Variants in RAB7B observed in about 807,000 individuals in gnomAD.
RAB7B encodes RAB7B, member RAS oncogene family.
rs1001196756 is a variant in RAB7B at position 205,988,108 on chromosome 1, A to G, written c.397-2443T>C. Among the ~76,000 whole-genome samples the G allele has an allele frequency of 7.3e-4, 111 of 152,146 alleles. 3 individuals are homozygous for G. The East Asian group carries it at 0.011, about 15-fold the overall frequency. On this transcript the variant is annotated intron_variant, in intron 4 of 5. Transcript: ENST00000617070. ...CATTCATATTGTATTCACATTGTACATTCCTTGCTATTCATCTTCAGAATT... is the reference window on the plus strand; with the variant it reads ...CATTCATATTGTATTCACATTGTACGTTCCTTGCTATTCATCTTCAGAATT...
Position 205,992,547 on chromosome 1 carries a change from A to G in RAB7B, c.329T>C (p.Ile110Thr), listed in dbSNP as rs1194667918. 1.8e-5 allele frequency: 7 copies of G among 398,568 alleles called. No individual in the cohort carries two copies. The highest frequency in any genetic ancestry group is 4.4e-5 in the Admixed American group (1 of 22,724). The allele number at this position is 398,568 out of a possible 1,614,324, so 24.7% of individuals were successfully genotyped here. Reference protein sequence around the residue: ...DIWRGDVLAKIVPMEQSYPMV... With the variant: ...DIWRGDVLAKTVPMEQSYPMV... ...GGGGTAGGACTGCTCCATGGGGACA[A>G]TCTTGGCCAGGACATCACCCCGCCA... Residue 110 changes from isoleucine to threonine, a missense_variant, in exon 4 of 6, where the codon ATT (isoleucine) becomes ACT (threonine). Physicochemically the swap from Ile to Thr is moderately conservative, Grantham distance 89 (BLOSUM62 -1). Coordinates refer to ENST00000617070, the MANE Select transcript of RAB7B (RefSeq NM_001164522.3).
intron 4 of RAB7B, 117 bp from the exon 5 acceptor site, chr1:205,985,782 C>CCCTATCAGG (rs1660588992): frequency 1.4e-5 from 1 of 68,974 alleles, no homozygotes; most frequent in Non-Finnish European, 2.5e-5. Flanking sequence ...TCCCCATCAT[C>CCCTATCAGG]CCCACCAGGC....
chr1:205,977,375 G>GTTTTTGC lies in RAB7B; in HGVS notation c.*1475_*1476insGCAAAAA, dbSNP rs1449168046. The GTTTTTGC allele has an allele frequency of 6.6e-6, 1 of 152,136 alleles. No homozygotes were observed. Among genetic ancestry groups the GTTTTTGC allele is most frequent in the African/African-American group, 2.4e-5 (1 of 41,404 alleles). 9.4% of individuals were successfully genotyped at this position (152,136 alleles called of 1,614,324 possible). A position where few individuals can be genotyped will look rare whatever the true frequency, so the allele number is the denominator to read the frequency against. The stretch of plus-strand genomic sequence containing the variant: ...CCACAGATGCTGATTTCTTGCCTGA[G>GTTTTTGC]TCATATATATTGAAGTTTTTGCTCA... On this transcript the variant is annotated 3_prime_UTR_variant, in exon 6 of 6. Coordinates refer to ENST00000617070, the MANE Select transcript of RAB7B (RefSeq NM_001164522.3).
At chr1:205,984,463 C>T (rs1176703357) in intron 5 of RAB7B, among the ~76,000 whole-genome samples, 3 of 152,188 alleles carry the variant, frequency 2.0e-5, no homozygotes, top group African/African-American at 7.2e-5. Flanking sequence ...TTGCCCATTT[C>T]CTCAATTCAG....
chr1:205,995,208 G>A (rs965028509), intron 1 of RAB7B, among the ~76,000 whole-genome samples: 2 of 151,988 alleles, frequency 1.3e-5, no homozygotes, highest in Non-Finnish European at 2.9e-5. Context: ...GTGTACATAT[G>A]TAATAAACCT....
chr1:205,997,256 A>G (rs1358238033), intron 1 of RAB7B, among the ~76,000 whole-genome samples: 1 of 152,186 alleles, frequency 6.6e-6, no homozygotes, highest in Non-Finnish European at 1.5e-5. Context: ...GCAAATAGGA[A>G]CCCACCACAC....
intron 4 of RAB7B, among the ~76,000 whole-genome samples, chr1:205,991,014 G>A (rs1399138542): frequency 3.3e-5 from 5 of 151,880 alleles, no homozygotes; most frequent in Admixed American, 2.0e-4. Context: ...CTCATGATTC[G>A]CCTGCCTCTG....
At chr1:205,985,924 T>A (rs978080855) in intron 4 of RAB7B, among the ~76,000 whole-genome samples, 60 of 132,316 alleles carry the variant, frequency 4.5e-4, no homozygotes, top group Middle Eastern at 7.7e-3. Flanking sequence ...TAGCTCCATT[T>A]CACAGATGAA....
At chr1:205,981,430 G>A (rs1228869638) in intron 5 of RAB7B, among the ~76,000 whole-genome samples, 13 of 151,712 alleles carry the variant, frequency 8.6e-5, no homozygotes, top group Non-Finnish European at 1.6e-4. Context: ...ACCTACTCTG[G>A]TCTCTTTCAG....
Position 205,996,525 on chromosome 1 carries a change from C to T in RAB7B, c.-16-2374G>A, listed in dbSNP as rs1023644629. ...AGCTGAGCCCCAAAGACTCAAGATG[C>T]CTTCTTGGTGAAAAATGCTTTATCT... is the stretch of plus-strand genomic sequence containing the variant. On this transcript the variant is annotated intron_variant, in intron 1 of 5. Coordinates refer to ENST00000617070, the MANE Select transcript of RAB7B (RefSeq NM_001164522.3). 9.5e-4 allele frequency among the ~76,000 whole-genome samples: 145 copies of T among 152,288 alleles called. 1 individual carries two copies. The highest frequency in any genetic ancestry group is 3.2e-3 in the African/African-American group (131 of 41,554).
At chr1:206,001,584 C>T (rs1029144651) in intron 1 of RAB7B, among the ~76,000 whole-genome samples, 3 of 152,210 alleles carry the variant, frequency 2.0e-5, no homozygotes, top group South Asian at 2.1e-4. Flanking sequence ...GCTGAGTCAT[C>T]CTCTACTGTT....
intron 5 of RAB7B, among the ~76,000 whole-genome samples, chr1:205,982,722 G>GCT (rs1263265302): frequency 6.6e-6 from 1 of 152,070 alleles, no homozygotes; most frequent in Non-Finnish European, 1.5e-5. Flanking sequence ...CCAGCTGGGG[G>GCT]CTCACTCCTT....
intron 5 of RAB7B, among the ~76,000 whole-genome samples, chr1:205,985,325 C>G (rs1185773038): frequency 6.6e-6 from 1 of 152,198 alleles, no homozygotes; most frequent in South Asian, 2.1e-4. Context: ...AGACCACTGA[C>G]TGCATGCTCT....
intron 4 of RAB7B, 43 bp from the exon 5 acceptor site, chr1:205,985,708 C>T (rs978110284): frequency 1.5e-4 from 20 of 133,824 alleles, no homozygotes; most frequent in Admixed American, 5.4e-4. Flanking sequence ...GTATTATCAT[C>T]GCCATCACCA....
chr1:205,985,945 C>A (rs992210970), intron 4 of RAB7B, among the ~76,000 whole-genome samples: 72 of 152,248 alleles, frequency 4.7e-4, no homozygotes, highest in African/African-American at 1.7e-3. Flanking sequence ...AAAACGGAGG[C>A]CTGGAGAAAA....
chr1:205,991,911 C>A (rs1318757897), intron 4 of RAB7B, among the ~76,000 whole-genome samples: 1 of 152,210 alleles, frequency 6.6e-6, no homozygotes, highest in Non-Finnish European at 1.5e-5. Flanking sequence ...AGTCATGGAG[C>A]AGACCAACTG....
At position 205,989,343 on chromosome 1, in the gene RAB7B, T is replaced by C. The variant is rs957700307; in HGVS notation, c.396+3137A>G. On this transcript the variant is annotated intron_variant, in intron 4 of 5. Transcript: ENST00000617070. ...CTCTTTCAAACCTTTGTTCTTCCTCTCTCTGGACACCAAAGATCACCCACC... is the reference window on the plus strand; with the variant it reads ...CTCTTTCAAACCTTTGTTCTTCCTCCCTCTGGACACCAAAGATCACCCACC... Among the ~76,000 whole-genome samples, 361 of 152,136 alleles carry C rather than the reference T, an allele frequency of 2.4e-3. 1 individual carries two copies. Among genetic ancestry groups the C allele is most frequent in the Middle Eastern group, 6.8e-3 (2 of 294 alleles).
chr1:205,996,416 G>A lies in RAB7B; in HGVS notation c.-16-2265C>T, dbSNP rs902182087. Among the ~76,000 whole-genome samples, 24 of 152,196 alleles carry A rather than the reference G, an allele frequency of 1.6e-4. No individual in the cohort carries two copies. In the East Asian group the frequency reaches 2.1e-3, roughly 13 times the overall value. On this transcript the variant is annotated intron_variant, in intron 1 of 5. Transcript: ENST00000617070. ...AAAGCTGTAAATAGGACATCCTGAG[G>A]CCTTGGTTCTGGTTCTCACTTTGTG...
chr1:205,988,234 T>TTG (rs1660649135), intron 4 of RAB7B, among the ~76,000 whole-genome samples: 14 of 28,346 alleles, frequency 4.9e-4, no homozygotes, highest in African/African-American at 6.6e-4. Context: ...GTGTGGGTTT[T>TTG]TTTTTTTTTT....
Sources: allele counts gnomAD v4.1 joint callset (sites outside exome capture counted in the v4.1 genomes callset), GRCh38; gene constraint gnomAD v4.1.1; transcripts MANE v1.5; gene names NCBI Gene and HGNC (gene_info 2026-07-23, HGNC 2026-07-21).